The following H2BC4 variants were observed in gnomAD, a reference collection of about 807,000 sequenced individuals.
H2BC4 encodes histone H2B type 1-C/E/F/G/I.
Under a neutral mutation model 6.2 loss-of-function variants are expected in H2BC4, and 10 were observed. The ratio of observed to expected loss-of-function variants is 1.61; its 90% CI spans 0.99 to 2.73. The LOEUF (loss-of-function observed/expected upper bound fraction) is 2.73, where lower values mean the gene tolerates loss of function less well. Among genes scored for constraint, H2BC4 ranks in the 30% most tolerant of loss-of-function variants. The pLI, the probability that H2BC4 is intolerant of heterozygous loss-of-function variation, is 0.00. For synonymous variants in H2BC4, 146 were observed against 70.7 expected (o/e 2.07, Z -5.35); for missense variants, 176 against 168.7 (o/e 1.04, Z -0.24).
intron 1 of H2BC4, among the ~76,000 whole-genome samples, chr6:26,115,787 A>C (rs1449854930): frequency 6.6e-6 from 1 of 152,144 alleles, no homozygotes; most frequent in Non-Finnish European, 1.5e-5. Context: ...TTTATTTTTT[A>C]ATTGTTAAAA....
At chr6:26,119,480 A>G (rs147994589), downstream of H2BC4, among the ~76,000 whole-genome samples, 3 of 152,310 alleles carry the variant, frequency 2.0e-5, no homozygotes, top group East Asian at 5.8e-4. Context: ...TACACTGTGA[A>G]CTCAGTACTT....
downstream of H2BC4, among the ~76,000 whole-genome samples, chr6:26,119,098 T>TA (rs1237283323): frequency 6.6e-6 from 1 of 151,984 alleles, no homozygotes; most frequent in African/African-American, 2.4e-5. Flanking sequence ...TAGTACTTGA[T>TA]AGAGTCAGAG....
At chr6:26,121,366 G>C (rs188361786), downstream of H2BC4, among the ~76,000 whole-genome samples, 99 of 152,250 alleles carry the variant, frequency 6.5e-4, no homozygotes, top group African/African-American at 2.4e-3. Context: ...AAACGCGGAC[G>C]ATAAACTTTT....
downstream of H2BC4, chr6:26,114,870 T>C (rs1208053949): frequency 6.6e-6 from 1 of 151,990 alleles, no homozygotes; most frequent in African/African-American, 2.4e-5. Context: ...ATAAAAAGAA[T>C]AGGAGATACT....
chr6:26,121,594 C>T (rs1561954401), downstream of H2BC4, among the ~76,000 whole-genome samples: 1 of 152,028 alleles, frequency 6.6e-6, no homozygotes, highest in Non-Finnish European at 1.5e-5. Flanking sequence ...TTTCATCTAA[C>T]ACAGGCAAAA....
chr6:26,118,014 T>TC (rs1763446463), intron 1 of H2BC4, among the ~76,000 whole-genome samples: 1 of 152,204 alleles, frequency 6.6e-6, no homozygotes, highest in Non-Finnish European at 1.5e-5. Flanking sequence ...AACCAACATT[T>TC]CCATGTTAGG....
downstream of H2BC4, among the ~76,000 whole-genome samples, chr6:26,121,029 G>A (rs1004969767): frequency 6.2e-4 from 95 of 152,044 alleles, 3 homozygotes; most frequent in Non-Finnish European, 3.1e-4. Context: ...CTTAACACAG[G>A]AATACTGGTT....
downstream of H2BC4, among the ~76,000 whole-genome samples, chr6:26,114,366 A>G (rs1330615424): frequency 2.0e-5 from 3 of 152,210 alleles, no homozygotes; most frequent in African/African-American, 7.2e-5. Flanking sequence ...TCACTAATAG[A>G]GTCATTAAAA....
At chr6:26,119,171 G>A (rs528155577), downstream of H2BC4, among the ~76,000 whole-genome samples, 8 of 152,086 alleles carry the variant, frequency 5.3e-5, no homozygotes, top group East Asian at 1.5e-3. Context: ...TAGGCATGAC[G>A]AAAACAGAGG....
downstream of H2BC4, among the ~76,000 whole-genome samples, chr6:26,120,448 C>CAA (rs771002578): frequency 3.7e-5 from 4 of 109,408 alleles, no homozygotes; most frequent in Admixed American, 9.5e-5. Flanking sequence ...AATTCTGTCT[C>CAA]AAAAAAAAAA....
At position 26,123,539 on chromosome 6, in the gene H2BC4, G is replaced by A. The variant is rs1025900277; in HGVS notation, c.366C>T (p.Tyr122=). The change falls in exon 1 of 1, where the codon TAC becomes TAT. Residue 122 remains tyrosine (Y), a synonymous_variant. Transcript: ENST00000396984. ...CTTGGAATGTTTACTTGGAGCTGGTGTACTTGGTGACGGCCTTGGTGCCCT... is the reference window on the plus strand; with the variant it reads ...CTTGGAATGTTTACTTGGAGCTGGTATACTTGGTGACGGCCTTGGTGCCCT... The part of the protein sequence containing the change: ...VSEGTKAVTK[Y]TSSK 6.2e-6 allele frequency: 10 copies of A among 1,614,152 alleles called. No homozygotes were observed. Among genetic ancestry groups the A allele is most frequent in the Non-Finnish European group, 8.5e-6 (10 of 1,180,054 alleles).
chr6:26,123,505 A>G lies in H2BC4; in HGVS notation c.*19T>C. ...AAAGAGCCTTTGGGGTTAGGTGTTAAGACGCTTACTTGGAATGTTTACTTG... is the reference window on the plus strand; with the variant it reads ...AAAGAGCCTTTGGGGTTAGGTGTTAGGACGCTTACTTGGAATGTTTACTTG... On this transcript the variant is annotated 3_prime_UTR_variant, in exon 1 of 1. Coordinates refer to ENST00000396984, the MANE Select transcript of H2BC4 (RefSeq NM_003526.3). The G allele has an allele frequency of 6.2e-7, 1 of 1,614,198 alleles. No individual in the cohort carries two copies.
chr6:26,118,572 A>G (rs937743319), downstream of H2BC4, among the ~76,000 whole-genome samples: 1 of 152,216 alleles, frequency 6.6e-6, no homozygotes, highest in African/African-American at 2.4e-5. Flanking sequence ...CCAGATCAAA[A>G]TTTCATCACT....
downstream of H2BC4, among the ~76,000 whole-genome samples, chr6:26,121,544 C>T (rs1763496803): frequency 6.6e-6 from 1 of 152,044 alleles, no homozygotes; most frequent in Admixed American, 6.6e-5. Flanking sequence ...AATTTGCTTA[C>T]TGGGTACTTG....
At chr6:26,121,522 C>T (rs921597300), downstream of H2BC4, among the ~76,000 whole-genome samples, 1 of 151,924 alleles carries the variant, frequency 6.6e-6, no homozygotes, top group African/African-American at 2.4e-5. Flanking sequence ...AATAAATGAC[C>T]AAGAAGTTAA....
chr6:26,123,400 A>T, downstream of H2BC4: 1 of 1,482,722 alleles, frequency 6.7e-7, no homozygotes, highest in Non-Finnish European at 9.0e-7. Context: ...TCCAGTTCCT[A>T]TATTCTAATA....
chr6:26,123,438 G>A, downstream of H2BC4: 10 of 1,565,554 alleles, frequency 6.4e-6, no homozygotes, highest in Non-Finnish European at 8.6e-6. Flanking sequence ...AAAATTTGGC[G>A]TCTGGCCACA....
intron 1 of H2BC4, among the ~76,000 whole-genome samples, chr6:26,116,215 GCT>G (rs1431533202): frequency 6.6e-6 from 1 of 152,072 alleles, no homozygotes; most frequent in East Asian, 1.9e-4. Context: ...CATCATTTCT[GCT>G]CTTTTACCCT....
At chr6:26,119,836 A>G (rs1763475788), downstream of H2BC4, among the ~76,000 whole-genome samples, 1 of 151,946 alleles carries the variant, frequency 6.6e-6, no homozygotes, top group African/African-American at 2.4e-5. Context: ...GATGTATTAT[A>G]TATTTTCCTT....
Sources: gnomAD v4.1 joint callset for allele counts (sites outside exome capture counted in the v4.1 genomes callset) on GRCh38, gnomAD v4.1.1 for gene constraint, MANE v1.5 for transcripts, NCBI Gene and HGNC (gene_info 2026-07-23, HGNC 2026-07-21) for gene names.